Variants in SHROOM2 observed in about 807,000 individuals in gnomAD.
SHROOM2 encodes protein Shroom2.
SHROOM2 carries 33 observed loss-of-function variants against 75.9 expected under a neutral mutation model. That is an observed-to-expected ratio of 0.43 (90% CI 0.33 to 0.58). SHROOM2 has a LOEUF of 0.58. Among genes scored for constraint, SHROOM2 ranks in the 20% least tolerant of loss-of-function variants. The probability of loss-of-function intolerance (pLI) is 0.04; values close to 1 mark genes in which losing one functional copy is unlikely to be tolerated. For synonymous variants in SHROOM2, 655 were observed against 663.6 expected (o/e 0.99, Z 0.20); for missense variants, 1,434 against 1,461.2 (o/e 0.98, Z 0.30).
rs369083466 is a variant in SHROOM2, at chrX:9,792,039, T to G, written c.165+5329T>G. Among the ~76,000 whole-genome samples the G allele has an allele frequency of 2.7e-3, 33 of 12,284 alleles. 1 individual carries two copies. Among genetic ancestry groups the G allele is most frequent in the Middle Eastern group, 0.043 (1 of 23 alleles). The allele number at this position is 12,284 out of a possible 115,157, so 10.7% of individuals were successfully genotyped here. ...TAGAATAGAATAGAATAGAATAGAA[T>G]AGAATAGAATAGAATAGAATAGAAT... On this transcript the variant is annotated intron_variant, in intron 1 of 9. Transcript: ENST00000380913.
intron 1 of SHROOM2, among the ~76,000 whole-genome samples, chrX:9,813,765 T>G (rs1601921426): frequency 8.9e-6 from 1 of 111,916 alleles, no homozygotes; most frequent in Non-Finnish European, 1.9e-5. Context: ...TCGATTTCCC[T>G]TCTAGGAACA....
chrX:9,884,017 C>T (rs2084245822), intron 2 of SHROOM2, among the ~76,000 whole-genome samples: 1 of 111,601 alleles, frequency 9.0e-6, no homozygotes. Flanking sequence ...TCCTTATCTC[C>T]AAGAAGCCCT....
chrX:9,793,882 C>T (rs1199885035), intron 1 of SHROOM2, among the ~76,000 whole-genome samples: 1 of 108,617 alleles, frequency 9.2e-6, no homozygotes, highest in African/African-American at 3.4e-5. Context: ...GTAGCTGTGA[C>T]TACAGGTGCA....
At chrX:9,893,226 C>T (rs1453471673) in intron 3 of SHROOM2, among the ~76,000 whole-genome samples, 1 of 111,767 alleles carries the variant, frequency 8.9e-6, no homozygotes, top group Non-Finnish European at 1.9e-5. Flanking sequence ...CCTCAGCCTC[C>T]CAAGTAGCTG....
chrX:9,802,521 T>C (rs1051181857), intron 1 of SHROOM2, among the ~76,000 whole-genome samples: 1 of 111,215 alleles, frequency 9.0e-6, no homozygotes, highest in African/African-American at 3.3e-5. Flanking sequence ...CCAGGCGAAG[T>C]GGCCCTAACT....
At chrX:9,801,114 A>G (rs1271506001) in intron 1 of SHROOM2, among the ~76,000 whole-genome samples, 1 of 111,730 alleles carries the variant, frequency 9.0e-6, no homozygotes, top group African/African-American at 3.3e-5. Flanking sequence ...AACAAGGAAG[A>G]GCAGAAGGAT....
At chrX:9,834,555 C>T (rs1330777378) in intron 1 of SHROOM2, among the ~76,000 whole-genome samples, 1 of 111,468 alleles carries the variant, frequency 9.0e-6, no homozygotes, top group Non-Finnish European at 1.9e-5. Context: ...GCCATGGGCT[C>T]ATTGCGAAGT....
At chrX:9,834,534 G>T (rs188167607) in intron 1 of SHROOM2, among the ~76,000 whole-genome samples, 2 of 111,977 alleles carry the variant, frequency 1.8e-5, no homozygotes, top group East Asian at 5.7e-4. Flanking sequence ...CCTGGAAGAG[G>T]TCAAGGGGAA....
chrX:9,794,566 T>C (rs2146725256), intron 1 of SHROOM2, among the ~76,000 whole-genome samples: 1 of 111,238 alleles, frequency 9.0e-6, no homozygotes, highest in East Asian at 2.8e-4. Context: ...ATGGGGTTTC[T>C]CCATGTTGGT....
At chrX:9,872,762 A>G (rs1400319912) in intron 1 of SHROOM2, among the ~76,000 whole-genome samples, 3 of 111,357 alleles carry the variant, frequency 2.7e-5, no homozygotes, top group African/African-American at 9.8e-5. Context: ...AGAAATTGGA[A>G]CCTTCATACA....
At chrX:9,882,422 AATG>A (rs1175924316) in intron 2 of SHROOM2, among the ~76,000 whole-genome samples, 1 of 111,471 alleles carries the variant, frequency 9.0e-6, no homozygotes, top group Non-Finnish European at 1.9e-5. Context: ...AGCTGAATGA[AATG>A]ATGATTTGAC....
intron 1 of SHROOM2, among the ~76,000 whole-genome samples, chrX:9,808,244 T>A (rs2083767503): frequency 1.8e-5 from 2 of 110,500 alleles, no homozygotes; most frequent in African/African-American, 6.6e-5. Flanking sequence ...GCACTTCTTT[T>A]TTCTTGAGTT....
At chrX:9,841,511 G>T (rs1208182649) in intron 1 of SHROOM2, among the ~76,000 whole-genome samples, 2 of 111,576 alleles carry the variant, frequency 1.8e-5, no homozygotes, top group South Asian at 3.7e-4. Flanking sequence ...GGAAGAGGTG[G>T]TAGAATCACA....
intron 6 of SHROOM2, among the ~76,000 whole-genome samples, 192 bp downstream of exon 6, chrX:9,933,062 G>T (rs773094750): frequency 1.8e-5 from 2 of 111,274 alleles, no homozygotes; most frequent in Non-Finnish European, 3.8e-5. Flanking sequence ...TATCTCACTG[G>T]GGGGCTGCTG....
At chrX:9,842,506 G>A (rs955890896) in intron 1 of SHROOM2, among the ~76,000 whole-genome samples, 3 of 112,401 alleles carry the variant, frequency 2.7e-5, no homozygotes, top group African/African-American at 9.7e-5. Flanking sequence ...GGCACACAGC[G>A]GCTGACTTGT....
chrX:9,875,774 A>G (rs181760320), intron 2 of SHROOM2, among the ~76,000 whole-genome samples: 107 of 112,952 alleles, frequency 9.5e-4, no homozygotes, highest in African/African-American at 3.4e-3. Flanking sequence ...TCTGAATGTG[A>G]TAGGTGAAAT....
rs1371739815 is a variant in SHROOM2, at chrX:9,873,796, G to T, written c.310G>T (p.Val104Phe). Residue 104 changes from valine to phenylalanine, a missense_variant, in exon 2 of 10, where the codon GTC (valine) becomes TTC (phenylalanine). Transcript: ENST00000380913. ...KGSHKTLKLV[V>F]KRRSELGWRP... The stretch of plus-strand genomic sequence containing the variant: ...GTCCCATAAGACCCTGAAGCTGGTC[G>T]TCAAAAGGTAAGATCTGAGCTTCCT... 1 of 1,210,773 alleles carries T rather than the reference G, an allele frequency of 8.3e-7. No homozygotes were observed. The highest frequency in any genetic ancestry group is 1.8e-5 in the South Asian group (1 of 56,835).
At chrX:9,786,831 G>C (rs962165547) in intron 1 of SHROOM2, 121 bp downstream of exon 1, 2 of 523,777 alleles carry the variant, frequency 3.8e-6, no homozygotes, top group Non-Finnish European at 4.9e-6. Flanking sequence ...GCGCGCGTCT[G>C]CTGGGGTCAC....
chrX:9,799,391 C>T (rs1332144651), intron 1 of SHROOM2, among the ~76,000 whole-genome samples: 1 of 110,236 alleles, frequency 9.1e-6, no homozygotes, highest in Non-Finnish European at 1.9e-5. Context: ...GTCTCGAACT[C>T]CTGACCTCAG....
Sources: gnomAD v4.1 joint callset for allele counts (sites outside exome capture counted in the v4.1 genomes callset) on GRCh38, gnomAD v4.1.1 for gene constraint, MANE v1.5 for transcripts, NCBI Gene and HGNC (gene_info 2026-07-23, HGNC 2026-07-21) for gene names.